CSMD1: variants seen among roughly 807,000 people sequenced by gnomAD.
CSMD1 encodes CUB and Sushi multiple domains 1, also known as CUB and sushi domain-containing protein 1.
A neutral mutation model predicts 417.5 loss-of-function variants in CSMD1; 213 were observed. The observed-to-expected ratio is 0.51, with a 90% CI of 0.46 to 0.57. The LOEUF is 0.57. CSMD1 is among the 20% of genes least tolerant of loss of function. CSMD1 has a pLI of 0.00. For synonymous variants in CSMD1, 2,862 were observed against 1,736.8 expected, an observed-to-expected ratio of 1.65 and a Z score of -16.11; for missense variants, 6,923 against 4,529.7, an observed-to-expected ratio of 1.53 and a Z score of -15.17.
intron 3 of CSMD1, among the ~76,000 whole-genome samples, chr8:4,148,955 TTTCATA>T (rs911038001): frequency 7.6e-6 from 1 of 131,310 alleles, no homozygotes; most frequent in African/African-American, 2.6e-5. Flanking sequence ...TAATTAAACA[TTTCATA>T]TTAACTTTTT....
chr8:3,403,230 G>C (rs1229217211), intron 15 of CSMD1, among the ~76,000 whole-genome samples: 2 of 152,150 alleles, frequency 1.3e-5, no homozygotes, highest in African/African-American at 2.4e-5. Context: ...TATTCTGTAA[G>C]GGATGTGAGC....
At chr8:4,631,143 A>T (rs769756595) in intron 2 of CSMD1, among the ~76,000 whole-genome samples, 4 of 152,152 alleles carry the variant, frequency 2.6e-5, no homozygotes, top group African/African-American at 9.7e-5. Flanking sequence ...CGGGTGGATC[A>T]CGAGGTCAGG....
chr8:4,832,126 A>G (rs1329158717), intron 1 of CSMD1, among the ~76,000 whole-genome samples: 1 of 152,196 alleles, frequency 6.6e-6, no homozygotes, highest in Non-Finnish European at 1.5e-5. Context: ...CTGAACTGGC[A>G]TGTATCTCTG....
At chr8:3,512,942 G>A (rs927446650) in intron 10 of CSMD1, among the ~76,000 whole-genome samples, 4 of 152,036 alleles carry the variant, frequency 2.6e-5, no homozygotes, top group Admixed American at 6.6e-5. Context: ...TATAACCATA[G>A]AGAGCCACAG....
At chr8:4,055,816 A>G (rs1798661209) in intron 3 of CSMD1, among the ~76,000 whole-genome samples, 1 of 151,280 alleles carries the variant, frequency 6.6e-6, no homozygotes, top group South Asian at 2.1e-4. Flanking sequence ...ACTGAAGCAG[A>G]AGTGTTGATT....
intron 6 of CSMD1, among the ~76,000 whole-genome samples, chr8:3,727,304 T>C (rs528953755): frequency 1.6e-3 from 238 of 152,342 alleles, no homozygotes; most frequent in Non-Finnish European, 1.9e-3. Flanking sequence ...TCAGCTCATC[T>C]GCAGAGCCTC....
intron 2 of CSMD1, among the ~76,000 whole-genome samples, chr8:4,428,592 A>C (rs976247862): frequency 2.0e-5 from 3 of 152,210 alleles, no homozygotes; most frequent in Non-Finnish European, 4.4e-5. Flanking sequence ...TGACACTTTC[A>C]GTAATACTAG....
At chr8:3,744,828 G>T (rs920455101) in intron 6 of CSMD1, among the ~76,000 whole-genome samples, 1 of 152,176 alleles carries the variant, frequency 6.6e-6, no homozygotes, top group Admixed American at 6.5e-5. Context: ...ATATATCTAT[G>T]GAACTGAACA....
chr8:3,920,868 T>C (rs771716778), intron 5 of CSMD1, among the ~76,000 whole-genome samples: 5 of 152,150 alleles, frequency 3.3e-5, no homozygotes, highest in African/African-American at 1.2e-4. Context: ...ATTGAATTCA[T>C]TTTGCTAGTG....
At chr8:4,017,526 G>A (rs59989369) in intron 4 of CSMD1, among the ~76,000 whole-genome samples, 16,346 of 151,984 alleles carry the variant, frequency 0.11, 1,053 homozygotes, top group South Asian at 0.22. Context: ...GGCTGGTCTC[G>A]AACTCCCGAT....
intron 3 of CSMD1, among the ~76,000 whole-genome samples, chr8:4,092,100 A>G (rs1800752856): frequency 6.6e-6 from 1 of 152,170 alleles, no homozygotes. Flanking sequence ...CGTAATTCTG[A>G]TTATTCTTAG....
intron 3 of CSMD1, among the ~76,000 whole-genome samples, chr8:4,103,988 G>C (rs541540150): frequency 2.0e-3 from 308 of 152,308 alleles, no homozygotes; most frequent in Non-Finnish European, 3.4e-3. Flanking sequence ...GATGTTCTAA[G>C]AGTGCCCCAG....
At chr8:4,113,146 T>G (rs1801946853) in intron 3 of CSMD1, among the ~76,000 whole-genome samples, 1 of 152,144 alleles carries the variant, frequency 6.6e-6, no homozygotes, top group South Asian at 2.1e-4. Flanking sequence ...TTCTTTATCT[T>G]ACTCTCCCTC....
intron 12 of CSMD1, among the ~76,000 whole-genome samples, chr8:3,440,640 T>C (rs1356493606): frequency 6.6e-6 from 1 of 152,222 alleles, no homozygotes; most frequent in Non-Finnish European, 1.5e-5. Context: ...GCCCTGTTTC[T>C]CTTATCCTTG....
intron 3 of CSMD1, among the ~76,000 whole-genome samples, chr8:4,183,639 ATT>A (rs1159670832): frequency 6.6e-6 from 1 of 152,230 alleles, no homozygotes; most frequent in Non-Finnish European, 1.5e-5. Flanking sequence ...GATAAGCACA[ATT>A]TTAAGTTTCC....
chr8:3,941,737 A>C (rs141894177), intron 5 of CSMD1, among the ~76,000 whole-genome samples: 46 of 152,302 alleles, frequency 3.0e-4, no homozygotes, highest in Middle Eastern at 6.8e-3. Context: ...CTACAGAGCT[A>C]AATCTTGCCT....
intron 50 of CSMD1, among the ~76,000 whole-genome samples, chr8:3,037,517 T>A (rs1810773828): frequency 6.6e-6 from 1 of 152,158 alleles, no homozygotes; most frequent in African/African-American, 2.4e-5. Context: ...ACTGTGTGGA[T>A]TTCATATCTT....
intron 2 of CSMD1, among the ~76,000 whole-genome samples, chr8:4,490,965 T>C (rs563928973): frequency 6.6e-5 from 10 of 152,348 alleles, no homozygotes; most frequent in African/African-American, 2.4e-4. Flanking sequence ...AGAACTGTTA[T>C]GTGAACCACA....
intron 29 of CSMD1, among the ~76,000 whole-genome samples, chr8:3,217,012 C>A: frequency 6.6e-6 from 1 of 152,314 alleles, no homozygotes; most frequent in Middle Eastern, 3.4e-3. Context: ...GCAATGGCAT[C>A]ATTTCTCCAG....
Sources: allele counts gnomAD v4.1 joint callset (sites outside exome capture counted in the v4.1 genomes callset), GRCh38; gene constraint gnomAD v4.1.1; transcripts MANE v1.5; gene names NCBI Gene and HGNC (gene_info 2026-07-23, HGNC 2026-07-21).